MCF2L2: variants seen among roughly 807,000 people sequenced by gnomAD.
MCF2L2 encodes the protein probable guanine nucleotide exchange factor MCF2L2.
MCF2L2 carries 102 observed loss-of-function variants against 150.2 expected under a neutral mutation model. The ratio of observed to expected loss-of-function variants is 0.68; its 90% CI spans 0.58 to 0.80. The LOEUF (loss-of-function observed/expected upper bound fraction) is 0.80, where lower values mean the gene tolerates loss of function less well. Among genes scored for constraint, MCF2L2 ranks in the 30% least tolerant of loss-of-function variants. The probability of loss-of-function intolerance (pLI) is 0.00; values close to 1 mark genes in which losing one functional copy is unlikely to be tolerated. For synonymous variants in MCF2L2, 465 were observed against 491.3 expected (o/e 0.95, Z 0.71); for missense variants, 1,256 against 1,372.8 (o/e 0.91, Z 1.34).
chr3:183,344,035 T>C (rs562224008), intron 3 of MCF2L2, among the ~76,000 whole-genome samples: 4 of 151,820 alleles, frequency 2.6e-5, no homozygotes, highest in Non-Finnish European at 1.5e-5. Flanking sequence ...CCAGGCCTGG[T>C]GGTGTGTGCC....
intron 17 of MCF2L2, among the ~76,000 whole-genome samples, chr3:183,228,803 A>ACTG (rs1255569685): frequency 1.3e-5 from 2 of 152,288 alleles, no homozygotes; most frequent in Admixed American, 6.5e-5. Context: ...GTTCATAAGA[A>ACTG]CTGCTGCTGC....
chr3:183,375,798 G>C (rs1577104161), intron 3 of MCF2L2: 1 of 152,132 alleles, frequency 6.6e-6, no homozygotes, highest in African/African-American at 2.4e-5. Flanking sequence ...AAAACATTTT[G>C]CAATTGGGAA....
intron 3 of MCF2L2, among the ~76,000 whole-genome samples, chr3:183,358,759 T>C (rs1711944287): frequency 1.3e-5 from 2 of 152,012 alleles, no homozygotes; most frequent in African/African-American, 4.8e-5. Context: ...TAGCTGGGAC[T>C]ACAGGCATGT....
intron 3 of MCF2L2, among the ~76,000 whole-genome samples, chr3:183,341,884 C>G (rs73184945): frequency 0.046 from 6,963 of 152,324 alleles, 254 homozygotes; most frequent in Non-Finnish European, 0.066. Flanking sequence ...AACACGTGTT[C>G]AAGCCCAAAG....
In MCF2L2 at chr3:183,382,051, TTTA is replaced by T. The variant is rs3050286; in HGVS notation, c.161-2643_161-2641del. Among the ~76,000 whole-genome samples the T allele has an allele frequency of 1.4e-3, 212 of 148,452 alleles. 1 individual carries two copies. The highest frequency in any genetic ancestry group is 2.0e-3 in the Non-Finnish European group (131 of 67,006). ...GTGATTATGCCATTTAATTTCACCTTTTATTATTATTATTATTATTATTATTAG... is the reference window on the plus strand; with the variant it reads ...GTGATTATGCCATTTAATTTCACCTTTTATTATTATTATTATTATTATTAG... On this transcript the variant is annotated intron_variant, in intron 2 of 29. Coordinates refer to ENST00000328913, the MANE Select transcript of MCF2L2 (RefSeq NM_015078.4).
At chr3:183,232,287 G>C (rs1285873890) in intron 15 of MCF2L2, among the ~76,000 whole-genome samples, 3 of 152,160 alleles carry the variant, frequency 2.0e-5, no homozygotes, top group African/African-American at 7.2e-5. Context: ...CGCGAACTTA[G>C]AAGAGGATCC....
chr3:183,191,851 A>T (rs973527914), intron 27 of MCF2L2, among the ~76,000 whole-genome samples: 9 of 151,222 alleles, frequency 6.0e-5, no homozygotes, highest in African/African-American at 1.7e-4. Context: ...TATTTTATTT[A>T]TTTTTTTGAG....
chr3:183,340,229 G>A (rs1730643616), intron 4 of MCF2L2, among the ~76,000 whole-genome samples: 1 of 152,198 alleles, frequency 6.6e-6, no homozygotes, highest in Non-Finnish European at 1.5e-5. Context: ...GAATTTGGAT[G>A]AGGCTCTAGA....
intron 3 of MCF2L2, among the ~76,000 whole-genome samples, chr3:183,358,031 T>C (rs371957201): frequency 6.6e-6 from 1 of 152,148 alleles, no homozygotes; most frequent in African/African-American, 2.4e-5. Context: ...CTTACACCTG[T>C]AATCCCAGCA....
intron 5 of MCF2L2, among the ~76,000 whole-genome samples, chr3:183,336,782 T>C (rs1730498835): frequency 6.6e-6 from 1 of 151,104 alleles, no homozygotes; most frequent in Non-Finnish European, 1.5e-5. Context: ...TGAACCTGTG[T>C]GGGGCAGAGG....
intron 3 of MCF2L2, chr3:183,372,367 A>G (rs1712938880): frequency 6.6e-6 from 1 of 152,212 alleles, no homozygotes; most frequent in Non-Finnish European, 1.5e-5. Flanking sequence ...AAAAGAGGAC[A>G]CAACGAACAC....
chr3:183,193,211 G>A (rs1193437873), intron 26 of MCF2L2, 115 bp from the exon 27 acceptor site: 3 of 806,320 alleles, frequency 3.7e-6, no homozygotes, highest in East Asian at 4.9e-5. Context: ...TAGGTCTCGA[G>A]GACCTGCTGC....
At chr3:183,220,137 A>G (rs1723093379) in intron 20 of MCF2L2, among the ~76,000 whole-genome samples, 1 of 152,230 alleles carries the variant, frequency 6.6e-6, no homozygotes, top group African/African-American at 2.4e-5. Flanking sequence ...TATTTTGTAG[A>G]CTACTTTTTC....
At position 183,311,739 on chromosome 3, in the gene MCF2L2, T is replaced by C; in HGVS notation, c.787A>G (p.Thr263Ala). 1 of 1,614,132 alleles carries C rather than the reference T, an allele frequency of 6.2e-7. No homozygotes were observed. The highest frequency in any genetic ancestry group is 1.6e-4 in the Middle Eastern group (1 of 6,062). ...ELKLLGKQGT[T>A]LLSCIQEPAT... ...GGTTCTTGGATGCATGACAGCAATG[T>C]GGTCCCCTGCTTTCCAAGTAATTTC... is the stretch of plus-strand genomic sequence containing the variant. The change falls in exon 8 of 30, where the codon ACA becomes GCA. Residue 263 changes from threonine (T) to alanine (A), a missense_variant. Physicochemically the swap from Thr to Ala is moderately conservative, Grantham distance 58. Coordinates refer to ENST00000328913, the MANE Select transcript of MCF2L2 (RefSeq NM_015078.4).
intron 27 of MCF2L2, among the ~76,000 whole-genome samples, chr3:183,190,882 C>CTTTAT (rs912309607): frequency 6.6e-6 from 1 of 152,088 alleles, no homozygotes; most frequent in Admixed American, 6.6e-5. Context: ...TTTTAGAAGG[C>CTTTAT]TTTATTTTAT....
chr3:183,196,853 G>T (rs566970308), intron 25 of MCF2L2, among the ~76,000 whole-genome samples: 2 of 152,152 alleles, frequency 1.3e-5, no homozygotes, highest in African/African-American at 2.4e-5. Context: ...CTAGATTTTT[G>T]CATTCCTGTC....
Position 183,295,332 on chromosome 3 carries a change from A to G in MCF2L2, c.1643T>C (p.Val548Ala). 1 of 1,611,190 alleles carries G rather than the reference A, an allele frequency of 6.2e-7. No homozygotes were observed. The highest frequency in any genetic ancestry group is 1.1e-5 in the South Asian group (1 of 90,724). The change falls in exon 13 of 30, where the codon GTG becomes GCG. Residue 548 changes from valine (V) to alanine (A), a missense_variant. Coordinates refer to ENST00000328913, the MANE Select transcript of MCF2L2 (RefSeq NM_015078.4). ...GGAGGGCTGGCTGGTTTTTGATGAC[A>G]CCCATTTTGGTGAAGACTCAGGATG... ...APHPESSPKW[V>A]SSKTSQPSTS...
intron 3 of MCF2L2, chr3:183,373,361 GA>G (rs1713000511): frequency 6.6e-6 from 1 of 152,140 alleles, no homozygotes; most frequent in Admixed American, 6.5e-5. Context: ...AATTCACAAA[GA>G]AATTCCAGGG....
At chr3:183,423,910 C>T (rs11929297) in intron 1 of MCF2L2, among the ~76,000 whole-genome samples, 9,909 of 150,284 alleles carry the variant, frequency 0.066, 1,100 homozygotes, top group African/African-American at 0.23. Context: ...GTGTGAGCCA[C>T]TGCGCCCGGC....
Sources: allele counts gnomAD v4.1 joint callset (sites outside exome capture counted in the v4.1 genomes callset), GRCh38; gene constraint gnomAD v4.1.1; transcripts MANE v1.5; gene names NCBI Gene and HGNC (gene_info 2026-07-23, HGNC 2026-07-21).